The following HOOK3 variants were observed in gnomAD, a reference collection of about 807,000 sequenced individuals.
The protein encoded by HOOK3 is hook microtubule tethering protein 3, also known as protein Hook homolog 3.
Under a neutral mutation model 116.3 loss-of-function variants are expected in HOOK3, and 24 were observed. That is an observed-to-expected ratio of 0.21 (90% CI 0.15 to 0.29). The LOEUF (loss-of-function observed/expected upper bound fraction) is 0.29, where lower values mean the gene tolerates loss of function less well. HOOK3 is among the 10% of genes least tolerant of loss of function. The pLI, the probability that HOOK3 is intolerant of heterozygous loss-of-function variation, is 1.00. For missense variants in HOOK3, 632 were observed against 830.2 expected (o/e 0.76, Z 2.93); for synonymous variants, 275 against 283.0 (o/e 0.97, Z 0.28).
chr8:42,989,751 G>T (rs940414561), intron 15 of HOOK3, among the ~76,000 whole-genome samples: 5 of 151,802 alleles, frequency 3.3e-5, no homozygotes, highest in African/African-American at 1.2e-4. Flanking sequence ...ACCCTTCCCA[G>T]CCTCTGGTAA....
intron 17 of HOOK3, among the ~76,000 whole-genome samples, chr8:43,005,911 G>T (rs1809476934): frequency 6.6e-6 from 1 of 150,798 alleles, no homozygotes; most frequent in Non-Finnish European, 1.5e-5. Flanking sequence ...TGGACAGGCT[G>T]GTCTTGAACT....
intron 2 of HOOK3, among the ~76,000 whole-genome samples, chr8:42,925,309 G>C (rs945523032): frequency 6.6e-6 from 1 of 151,946 alleles, no homozygotes; most frequent in Admixed American, 6.6e-5. Context: ...TGTTGGCCAG[G>C]TGTGGTCTTG....
intron 2 of HOOK3, among the ~76,000 whole-genome samples, chr8:42,920,026 A>G (rs1489030319): frequency 1.3e-5 from 2 of 151,986 alleles, no homozygotes; most frequent in Non-Finnish European, 1.5e-5. Context: ...AATTAAAATT[A>G]GTGGGCTTTT....
chr8:42,983,641 G>A (rs987898384), intron 14 of HOOK3, among the ~76,000 whole-genome samples: 3 of 151,970 alleles, frequency 2.0e-5, no homozygotes, highest in Admixed American at 1.3e-4. Context: ...GTGCCACCAC[G>A]CCTGGCTATT....
At chr8:43,014,901 T>C (rs915003024) in intron 21 of HOOK3, among the ~76,000 whole-genome samples, 1 of 152,072 alleles carries the variant, frequency 6.6e-6, no homozygotes, top group Non-Finnish European at 1.5e-5. Flanking sequence ...TCATGGCACT[T>C]TGGGAGTCTG....
chr8:42,902,204 T>A (rs1258315727), intron 1 of HOOK3, among the ~76,000 whole-genome samples: 1 of 151,818 alleles, frequency 6.6e-6, no homozygotes, highest in African/African-American at 2.4e-5. Flanking sequence ...TAAAAATAGA[T>A]CCCCAGCTTC....
intron 6 of HOOK3, among the ~76,000 whole-genome samples, chr8:42,953,271 A>G (rs896131261): frequency 1.1e-4 from 16 of 151,764 alleles, no homozygotes; most frequent in Non-Finnish European, 1.8e-4. Context: ...AAAAAAAAAA[A>G]AAAGTAAAAT....
chr8:42,989,278 T>G (rs1304205231), intron 15 of HOOK3, among the ~76,000 whole-genome samples: 2 of 152,192 alleles, frequency 1.3e-5, no homozygotes, highest in African/African-American at 4.8e-5. Context: ...TATTCAGCAA[T>G]TAGACTTTGA....
chr8:42,967,894 G>A (rs1418509934), intron 10 of HOOK3, 119 bp from the exon 11 acceptor site: 1 of 631,322 alleles, frequency 1.6e-6, no homozygotes, highest in Middle Eastern at 4.3e-4. Flanking sequence ...AAATTAACCT[G>A]GAATCACTTT....
chr8:42,970,185 A>G (rs774509354), intron 11 of HOOK3, among the ~76,000 whole-genome samples: 19 of 152,206 alleles, frequency 1.2e-4, no homozygotes, highest in Non-Finnish European at 2.2e-4. Flanking sequence ...TTTATTTAAT[A>G]GTCCTTTCTT....
At chr8:42,965,564 A>G (rs1341207827) in intron 9 of HOOK3, among the ~76,000 whole-genome samples, 2 of 152,212 alleles carry the variant, frequency 1.3e-5, no homozygotes, top group Non-Finnish European at 1.5e-5. Context: ...AGACAAGAGT[A>G]TGATGAAAAT....
At chr8:42,909,205 G>T (rs796288263) in intron 2 of HOOK3, among the ~76,000 whole-genome samples, 8 of 152,266 alleles carry the variant, frequency 5.3e-5, no homozygotes, top group African/African-American at 1.9e-4. Flanking sequence ...ACTGTTTTTG[G>T]GAATGTAAAT....
chr8:42,938,162 T>G (rs1029895140), intron 4 of HOOK3, among the ~76,000 whole-genome samples: 8 of 152,158 alleles, frequency 5.3e-5, no homozygotes, highest in Admixed American at 4.6e-4. Flanking sequence ...TTTGTCTCTT[T>G]TGATCTTTGT....
In HOOK3 at chr8:42,953,420, C is replaced by T. The variant is rs527545266; in HGVS notation, c.468+2965C>T. Among the ~76,000 whole-genome samples, 18 of 151,768 alleles carry T rather than the reference C, an allele frequency of 1.2e-4. No homozygotes were observed. The South Asian group carries it at 2.1e-3, about 18-fold the overall frequency. Reference sequence around the variant, plus strand: ...CTGTACTCAAAATACAAATATTAGCCGGGCGTGGTGGCACGTACCTGTAAT... The same window carrying T: ...CTGTACTCAAAATACAAATATTAGCTGGGCGTGGTGGCACGTACCTGTAAT... On this transcript the variant is annotated intron_variant, in intron 6 of 21. Coordinates refer to ENST00000307602, the MANE Select transcript of HOOK3 (RefSeq NM_032410.4).
intron 15 of HOOK3, among the ~76,000 whole-genome samples, chr8:42,992,741 C>G (rs1450409403): frequency 6.8e-6 from 1 of 147,240 alleles, no homozygotes; most frequent in Non-Finnish European, 1.5e-5. Context: ...AGAAATGTTA[C>G]TGATTTTTGT....
chr8:42,925,630 G>A lies in HOOK3; in HGVS notation c.216+1G>A. On this transcript the variant is annotated splice_donor_variant, in intron 3 of 21. Transcript: ENST00000307602. LOFTEE classifies it high-confidence loss of function. ...AGTAGGAGATAATTGGAGGCTAAAG[G>A]TATTTTATTTTTCCACCTGTTAAAT... The A allele has an allele frequency of 6.4e-7, 1 of 1,572,884 alleles. No individual in the cohort carries two copies.
intron 4 of HOOK3, among the ~76,000 whole-genome samples, chr8:42,933,064 A>C (rs1054055377): frequency 6.6e-6 from 1 of 152,224 alleles, no homozygotes; most frequent in Non-Finnish European, 1.5e-5. Flanking sequence ...TATTTCTAGA[A>C]ATTGGTCTTT....
intron 4 of HOOK3, among the ~76,000 whole-genome samples, chr8:42,934,365 T>C (rs1586597889): frequency 6.6e-6 from 1 of 152,322 alleles, no homozygotes; most frequent in Middle Eastern, 3.4e-3. Context: ...TATGAGAATA[T>C]TAATCATAGA....
chr8:42,902,895 C>A (rs1198873282), intron 1 of HOOK3, among the ~76,000 whole-genome samples: 1 of 152,196 alleles, frequency 6.6e-6, no homozygotes, highest in African/African-American at 2.4e-5. Flanking sequence ...GAGACATAGT[C>A]CTCACTGCTG....
Sources: gnomAD v4.1 joint callset for allele counts (sites outside exome capture counted in the v4.1 genomes callset) on GRCh38, gnomAD v4.1.1 for gene constraint, MANE v1.5 for transcripts, NCBI Gene and HGNC (gene_info 2026-07-23, HGNC 2026-07-21) for gene names.